DNAAF5: variants seen among roughly 807,000 people sequenced by gnomAD.
The protein encoded by DNAAF5 is dynein axonemal assembly factor 5, also known as HEAT repeat containing 2.
Under a neutral mutation model 75.8 loss-of-function variants are expected in DNAAF5, and 64 were observed. That is an observed-to-expected ratio of 0.84 (90% CI 0.69 to 1.04). The LOEUF (loss-of-function observed/expected upper bound fraction) is 1.04, where lower values mean the gene tolerates loss of function less well. DNAAF5 is among the 50% of genes least tolerant of loss of function. DNAAF5 has a pLI of 0.00. For missense variants in DNAAF5, 1,269 were observed against 1,178.5 expected, an observed-to-expected ratio of 1.08 and a Z score of -1.12; for synonymous variants, 657 against 557.2, an observed-to-expected ratio of 1.18 and a Z score of -2.52.
intron 6 of DNAAF5, among the ~76,000 whole-genome samples, chr7:758,936 G>A (rs1782565056): frequency 6.6e-6 from 1 of 152,098 alleles, no homozygotes; most frequent in Admixed American, 6.5e-5. Flanking sequence ...GCCCACCTCG[G>A]CCTCCCAAAG....
Position 729,681 on chromosome 7 carries a change from C to T in DNAAF5, c.614C>T (p.Ser205Leu), listed in dbSNP as rs373565354. ...QATPDHFHMQ[S>L]ESLIGPLMQT... ...CCCTCAGACCACTTCCACATGCAGTCGGAGTCTCTGATCGGGCCCCTGATG... is the reference window on the plus strand; with the variant it reads ...CCCTCAGACCACTTCCACATGCAGTTGGAGTCTCTGATCGGGCCCCTGATG... Residue 205 changes from serine to leucine, a missense_variant, in exon 2 of 13, where the codon TCG (serine) becomes TTG (leucine). Ser to Leu is a moderately radical substitution (Grantham distance 145, BLOSUM62 -2). Coordinates refer to ENST00000297440, the MANE Select transcript of DNAAF5 (RefSeq NM_017802.4). 1.2e-5 allele frequency: 19 copies of T among 1,613,812 alleles called. No homozygotes were observed. The highest frequency in any genetic ancestry group is 3.3e-5 in the Admixed American group (2 of 59,998).
chr7:732,790 T>A (rs1781627276), intron 2 of DNAAF5, among the ~76,000 whole-genome samples: 1 of 152,214 alleles, frequency 6.6e-6, no homozygotes. Context: ...GTGGGTTGTC[T>A]CCTCACTATT....
rs775434599 is a variant in DNAAF5 at position 740,843 on chromosome 7, G to A, written c.805G>A (p.Val269Met). 26 of 1,614,038 alleles carry A rather than the reference G, an allele frequency of 1.6e-5. No homozygotes were observed. The highest frequency in any genetic ancestry group is 2.1e-5 in the Non-Finnish European group (25 of 1,180,040). ...GGTCCGGCGGGCGGTGGCCTCCGTG[G>A]TGGGCGGCTGGCTGCTGTGTCTGCG... ...PQVRRAVASVVGGWLLCLRDR... is the reference protein window; with the variant it reads ...PQVRRAVASVMGGWLLCLRDR... Residue 269 changes from valine to methionine, a missense_variant, in exon 3 of 13, where the codon GTG (valine) becomes ATG (methionine). By Grantham distance (21) the Val-to-Met change is conservative (BLOSUM62 1). Coordinates refer to ENST00000297440, the MANE Select transcript of DNAAF5 (RefSeq NM_017802.4).
At chr7:735,235 C>T (rs1781701795) in intron 2 of DNAAF5, among the ~76,000 whole-genome samples, 1 of 145,640 alleles carries the variant, frequency 6.9e-6, no homozygotes, top group Non-Finnish European at 1.5e-5. Context: ...ATTGTAGTTG[C>T]TCATACCGTT....
chr7:770,321 C>G, intron 8 of DNAAF5, 150 bp from the exon 9 acceptor site: 1 of 645,362 alleles, frequency 1.5e-6, no homozygotes, highest in Admixed American at 3.0e-5. Context: ...CTGTGATAAT[C>G]ACCTTACTGA....
chr7:763,251 A>T (rs1782722122), intron 7 of DNAAF5, among the ~76,000 whole-genome samples: 1 of 152,070 alleles, frequency 6.6e-6, no homozygotes, highest in Non-Finnish European at 1.5e-5. Context: ...ATGGGGGACG[A>T]AGCCAGGTAG....
intron 6 of DNAAF5, among the ~76,000 whole-genome samples, chr7:760,479 G>A (rs1263426629): frequency 6.6e-6 from 1 of 152,134 alleles, no homozygotes; most frequent in Non-Finnish European, 1.5e-5. Flanking sequence ...AGACATTAGA[G>A]GGACGTTATA....
intron 4 of DNAAF5, among the ~76,000 whole-genome samples, chr7:741,977 C>G (rs560353787): frequency 7.2e-5 from 11 of 152,326 alleles, no homozygotes. Flanking sequence ...GCTGCGTGGC[C>G]TCCCCGCCCT....
intron 4 of DNAAF5, chr7:751,093 G>A (rs1782277486): frequency 6.6e-6 from 1 of 152,238 alleles, no homozygotes; most frequent in Admixed American, 6.5e-5. Flanking sequence ...GAAGGTTGCA[G>A]TGAGCTGAGA....
chr7:731,459 T>G (rs975494234), intron 2 of DNAAF5, among the ~76,000 whole-genome samples: 2 of 152,188 alleles, frequency 1.3e-5, no homozygotes, highest in Non-Finnish European at 2.9e-5. Flanking sequence ...CATAACTATG[T>G]GTCGACAGCT....
At chr7:757,348 T>C (rs576973145) in intron 6 of DNAAF5, among the ~76,000 whole-genome samples, 2 of 152,318 alleles carry the variant, frequency 1.3e-5, no homozygotes, top group South Asian at 4.1e-4. Flanking sequence ...TCAGGAGGCG[T>C]CCATGGCCGG....
At chr7:738,139 A>G (rs150907956) in intron 2 of DNAAF5, among the ~76,000 whole-genome samples, 45 of 152,198 alleles carry the variant, frequency 3.0e-4, no homozygotes, top group African/African-American at 8.9e-4. Context: ...TGTATTTTCA[A>G]ATAGCCCGTC....
chr7:785,587 G>T lies in DNAAF5; in HGVS notation c.2502G>T (p.Lys834Asn). 2 of 1,613,330 alleles carry T rather than the reference G, an allele frequency of 1.2e-6. No homozygotes were observed. Among genetic ancestry groups the T allele is most frequent in the Non-Finnish European group, 1.7e-6 (2 of 1,180,014 alleles). ...GGGAGACGGAGGCCGTCATCCACAA[G>T]CACCGCTCGGCCACCTACTGCGAGC... ...LVRETEAVIH[K>N]HRSATYCEQL... The change falls in exon 13 of 13, where the codon AAG (lysine) becomes AAT (asparagine). Residue 834 changes from lysine (K) to asparagine (N), a missense_variant. Physicochemically the swap from Lys to Asn is moderately conservative, Grantham distance 94. Coordinates refer to ENST00000297440, the MANE Select transcript of DNAAF5 (RefSeq NM_017802.4).
chr7:758,488 C>T (rs909299738), intron 6 of DNAAF5, among the ~76,000 whole-genome samples: 2 of 152,242 alleles, frequency 1.3e-5, no homozygotes, highest in African/African-American at 4.8e-5. Flanking sequence ...GGAAGCCAGC[C>T]TCAACCTTCC....
In DNAAF5 at chr7:740,799, T is replaced by C; in HGVS notation, c.781-20T>C. 1.2e-6 allele frequency: 2 copies of C among 1,612,784 alleles called. No individual in the cohort carries two copies. Among genetic ancestry groups the C allele is most frequent in the South Asian group, 1.1e-5 (1 of 91,062 alleles). The stretch of plus-strand genomic sequence containing the variant: ...TCCCCTTTGCCTACACGAATCCTTA[T>C]CCCTTCCTCTCATGCGCAGGTCCGG... On this transcript the variant is annotated intron_variant, in intron 2 of 12. Transcript: ENST00000297440.
intron 2 of DNAAF5, among the ~76,000 whole-genome samples, chr7:737,620 A>C (rs1232852830): frequency 6.6e-6 from 1 of 152,188 alleles, no homozygotes; most frequent in Admixed American, 6.5e-5. Context: ...ATGTTGATGA[A>C]ATTCCTCAGC....
intron 4 of DNAAF5, among the ~76,000 whole-genome samples, chr7:742,160 G>A (rs923114045): frequency 4.6e-5 from 7 of 152,164 alleles, no homozygotes; most frequent in East Asian, 1.9e-4. Context: ...CCCTCCTCTC[G>A]CGGGGCTGAG....
At position 754,703 on chromosome 7, in the gene DNAAF5, C is replaced by T; in HGVS notation, c.1139C>T (p.Ala380Val). 1 of 1,613,970 alleles carries T rather than the reference C, an allele frequency of 6.2e-7. No individual in the cohort carries two copies. The highest frequency in any genetic ancestry group is 1.7e-4 in the Middle Eastern group (1 of 6,060). The change falls in exon 5 of 13, where the codon GCA becomes GTA. Residue 380 changes from alanine (A) to valine (V), a missense_variant. Transcript: ENST00000297440. This position sits in a 1 kb window ranked among gnomAD's most constrained non-coding sequence, Gnocchi z 4.8. ...GTGGTGGGGACCCGAGTGAAGTCGG[C>T]ACAGCTGCTCCCAGTGCTGCTGCTG... ...DWVVGTRVKS[A>V]QLLPVLLLHA...
chr7:729,823 G>A lies in DNAAF5; in HGVS notation c.756G>A (p.Gln252=). Residue 252 remains glutamine (Q), a synonymous_variant, in exon 2 of 13, where the codon CAG becomes CAA. Coordinates refer to ENST00000297440, the MANE Select transcript of DNAAF5 (RefSeq NM_017802.4). ...SVDDVLSHFA[Q]RLFDDVPQVR... is the part of the protein sequence containing the mutation. Reference sequence around the variant, plus strand: ...ACGACGTGCTTTCCCATTTTGCTCAGCGACTGTTTGATGACGTCCCGCAGG... The same window carrying A: ...ACGACGTGCTTTCCCATTTTGCTCAACGACTGTTTGATGACGTCCCGCAGG... The A allele has an allele frequency of 6.2e-7, 1 of 1,614,218 alleles. No individual in the cohort carries two copies. The highest frequency in any genetic ancestry group is 8.5e-7 in the Non-Finnish European group (1 of 1,180,040).
Sources: allele counts gnomAD v4.1 joint callset (sites outside exome capture counted in the v4.1 genomes callset), GRCh38; gene constraint gnomAD v4.1.1; non-coding constraint Gnocchi (gnomAD v3.1); transcripts MANE v1.5; gene names NCBI Gene and HGNC (gene_info 2026-07-23, HGNC 2026-07-21).